ANKRD6: variants seen among roughly 807,000 people sequenced by gnomAD.
ANKRD6 encodes the protein ankyrin repeat domain 6.
Under a neutral mutation model 82.3 loss-of-function variants are expected in ANKRD6, and 56 were observed. The observed-to-expected ratio is 0.68, with a 90% CI of 0.55 to 0.85. The LOEUF is 0.85. Ranked by LOEUF, ANKRD6 falls within the 40% of genes least tolerant of loss-of-function variation. The pLI is 0.00. For synonymous variants in ANKRD6, 347 were observed against 352.1 expected (o/e 0.99, Z 0.16); for missense variants, 852 against 907.6 (o/e 0.94, Z 0.79).
intron 1 of ANKRD6, among the ~76,000 whole-genome samples, chr6:89,440,889 C>G (rs1157088327): frequency 6.6e-6 from 1 of 152,034 alleles, no homozygotes; most frequent in Non-Finnish European, 1.5e-5. Context: ...TGTTTCATTC[C>G]TTTGCATGGT....
intron 2 of ANKRD6, among the ~76,000 whole-genome samples, chr6:89,592,691 G>T (rs895188664): frequency 1.3e-5 from 2 of 152,102 alleles, no homozygotes; most frequent in African/African-American, 4.8e-5. Flanking sequence ...ACAGACATTT[G>T]CTCCTCATGG....
At position 89,633,618 on chromosome 6, in the gene ANKRD6, TAAATA is replaced by T. The variant is rs1807836603; in HGVS notation, c.*2617_*2621del. 1 of 152,238 alleles carries T rather than the reference TAAATA, an allele frequency of 6.6e-6. No individual in the cohort carries two copies. The highest frequency in any genetic ancestry group is 6.5e-5 in the Admixed American group (1 of 15,290). 9.4% of individuals were successfully genotyped at this position (152,238 alleles called of 1,614,324 possible). A position where few individuals can be genotyped will look rare whatever the true frequency, so the allele number is the denominator to read the frequency against. ...ATTGAGTATACTAAATATCTGTGAT[TAAATA>T]AATTAGTTCTAACTTTTGATTTTGG... On this transcript the variant is annotated 3_prime_UTR_variant, in exon 16 of 16. Coordinates refer to ENST00000339746, the MANE Select transcript of ANKRD6 (RefSeq NM_001242809.2).
At position 89,616,585 on chromosome 6, in the gene ANKRD6, T is replaced by G; in HGVS notation, c.642T>G (p.Ala214=). 2 of 1,614,080 alleles carry G rather than the reference T, an allele frequency of 1.2e-6. No individual in the cohort carries two copies. Among genetic ancestry groups the G allele is most frequent in the Non-Finnish European group, 1.7e-6 (2 of 1,179,906 alleles). ...CTGGAGACACAGCACTTCACGTTGC[T>G]GCTGCCCTAAATCACAAGAAGGTGG... ...NQAGDTALHV[A]AALNHKKVAK... is the part of the protein sequence containing the mutation. The change falls in exon 8 of 16, where the codon GCT becomes GCG. Residue 214 remains alanine, a synonymous_variant. Coordinates refer to ENST00000339746, the MANE Select transcript of ANKRD6 (RefSeq NM_001242809.2).
At chr6:89,586,070 G>A (rs1408430583) in intron 2 of ANKRD6, among the ~76,000 whole-genome samples, 1 of 152,072 alleles carries the variant, frequency 6.6e-6, no homozygotes, top group Non-Finnish European at 1.5e-5. Flanking sequence ...AGATCAATAA[G>A]AACAAGAAAC....
intron 13 of ANKRD6, among the ~76,000 whole-genome samples, chr6:89,625,417 C>T (rs1805299137): frequency 6.6e-6 from 1 of 152,008 alleles, no homozygotes; most frequent in African/African-American, 2.4e-5. Flanking sequence ...CTTTTCCCAA[C>T]TTTTTATTTT....
chr6:89,438,396 C>A (rs928878049), intron 1 of ANKRD6, among the ~76,000 whole-genome samples: 2 of 152,204 alleles, frequency 1.3e-5, no homozygotes, highest in Non-Finnish European at 2.9e-5. Flanking sequence ...ACCGTGTTGA[C>A]TGCCTTCACC....
intron 1 of ANKRD6, among the ~76,000 whole-genome samples, chr6:89,513,756 G>T (rs963808604): frequency 6.6e-6 from 1 of 152,096 alleles, no homozygotes. Context: ...GAACAGAAAG[G>T]CATTAATGTT....
chr6:89,558,937 G>C (rs141472207), intron 1 of ANKRD6, among the ~76,000 whole-genome samples: 1 of 152,046 alleles, frequency 6.6e-6, no homozygotes, highest in African/African-American at 2.4e-5. Flanking sequence ...TGGAATAGAA[G>C]AAATAAATGA....
intron 1 of ANKRD6, among the ~76,000 whole-genome samples, chr6:89,481,308 C>T (rs901785329): frequency 6.6e-6 from 1 of 152,154 alleles, no homozygotes; most frequent in African/African-American, 2.4e-5. Flanking sequence ...AATTGAACAT[C>T]TCAAACCTGA....
intron 1 of ANKRD6, among the ~76,000 whole-genome samples, chr6:89,512,915 T>C (rs2127945452): frequency 6.6e-6 from 1 of 152,184 alleles, no homozygotes; most frequent in South Asian, 2.1e-4. Context: ...TTTTCCTTTT[T>C]TTCTTTCTTT....
At chr6:89,434,037 G>A (rs766102489) in intron 1 of ANKRD6, among the ~76,000 whole-genome samples, 166 of 152,192 alleles carry the variant, frequency 1.1e-3, no homozygotes, top group Non-Finnish European at 1.8e-3. Flanking sequence ...TGACCCAAGA[G>A]GGACTTGAAT....
rs760086857 is a variant in ANKRD6, at chr6:89,616,636, A to G, written c.693A>G (p.Ala231=). 5 of 1,613,970 alleles carry G rather than the reference A, an allele frequency of 3.1e-6. No individual in the cohort carries two copies. The African/African-American group carries it at 6.7e-5, about 22-fold the overall frequency. The change falls in exon 8 of 16, where the codon GCA becomes GCG. Residue 231 remains alanine, a synonymous_variant. Transcript: ENST00000339746. ...CCAAAATCTTACTGGAAGCCGGAGC[A>G]GATACGACCATTGTTAACAATGTAA... ...KVAKILLEAG[A]DTTIVNNAGQ... is the part of the protein sequence containing the mutation.
chr6:89,493,417 T>G (rs1187923821), intron 1 of ANKRD6, among the ~76,000 whole-genome samples: 1 of 152,142 alleles, frequency 6.6e-6, no homozygotes, highest in Non-Finnish European at 1.5e-5. Context: ...TTTTTAATTT[T>G]TTTATTCTTT....
At chr6:89,541,474 C>T (rs561670698) in intron 1 of ANKRD6, among the ~76,000 whole-genome samples, 49 of 143,758 alleles carry the variant, frequency 3.4e-4, no homozygotes, top group African/African-American at 1.3e-3. Context: ...CTCACTGCAG[C>T]CTCCACATTC....
At chr6:89,499,208 C>G (rs543680206) in intron 1 of ANKRD6, among the ~76,000 whole-genome samples, 2 of 152,294 alleles carry the variant, frequency 1.3e-5, no homozygotes, top group East Asian at 3.9e-4. Flanking sequence ...AGGATAAAAG[C>G]CATCACATTA....
chr6:89,543,850 C>T (rs762751450), intron 1 of ANKRD6, among the ~76,000 whole-genome samples: 3 of 152,216 alleles, frequency 2.0e-5, no homozygotes, highest in Non-Finnish European at 4.4e-5. Context: ...CAAAGAACTC[C>T]GGTTGCCACT....
At chr6:89,581,194 A>C (rs778131871) in intron 2 of ANKRD6, among the ~76,000 whole-genome samples, 2 of 152,122 alleles carry the variant, frequency 1.3e-5, no homozygotes, top group African/African-American at 4.8e-5. Flanking sequence ...AATTGGCTTA[A>C]CCAATCCCCT....
In ANKRD6 at chr6:89,575,848, C is replaced by G. The variant is rs1267195101; in HGVS notation, c.120+8752C>G. 3.3e-5 allele frequency among the ~76,000 whole-genome samples: 5 copies of G among 152,138 alleles called. No individual in the cohort carries two copies. In the East Asian group the frequency reaches 9.6e-4, roughly 29 times the overall value. On this transcript the variant is annotated intron_variant, in intron 2 of 15. Coordinates refer to ENST00000339746, the MANE Select transcript of ANKRD6 (RefSeq NM_001242809.2). Reference sequence around the variant, plus strand: ...CACAGATAAGGGCATCTCTTCTGTCCTGGGAATTTTACTTCAACTCCTAGT... The same window carrying G: ...CACAGATAAGGGCATCTCTTCTGTCGTGGGAATTTTACTTCAACTCCTAGT...
At chr6:89,537,506 T>C (rs1412036011) in intron 1 of ANKRD6, among the ~76,000 whole-genome samples, 2 of 152,072 alleles carry the variant, frequency 1.3e-5, no homozygotes, top group Non-Finnish European at 1.5e-5. Flanking sequence ...CAAGTGCTTG[T>C]GGTTAGATGT....
Sources: gnomAD v4.1 joint callset for allele counts (sites outside exome capture counted in the v4.1 genomes callset) on GRCh38, gnomAD v4.1.1 for gene constraint, MANE v1.5 for transcripts, NCBI Gene and HGNC (gene_info 2026-07-23, HGNC 2026-07-21) for gene names.